EVC: variants seen among roughly 807,000 people sequenced by gnomAD.
EVC encodes evC complex member EVC.
Under a neutral mutation model 118.9 loss-of-function variants are expected in EVC, and 116 were observed. The ratio of observed to expected loss-of-function variants is 0.98; its 90% CI spans 0.84 to 1.14. The LOEUF (loss-of-function observed/expected upper bound fraction) is 1.14. Ranked by LOEUF, EVC falls within the 50% of genes most tolerant of loss-of-function variation. The pLI, the probability that EVC is intolerant of heterozygous loss-of-function variation, is 0.00. For synonymous variants in EVC, 619 were observed against 534.7 expected, an observed-to-expected ratio of 1.16 and a Z score of -2.18; for missense variants, 1,401 against 1,246.4, an observed-to-expected ratio of 1.12 and a Z score of -1.87.
In EVC at chr4:5,737,781, G is replaced by C. The variant is rs1242666466; in HGVS notation, c.703-3935G>C. Among the ~76,000 whole-genome samples the C allele has an allele frequency of 3.3e-5, 5 of 152,140 alleles. No individual in the cohort carries two copies. Among genetic ancestry groups the C allele is most frequent in the Non-Finnish European group, 7.3e-5 (5 of 68,036 alleles). On this transcript the variant is annotated intron_variant, in intron 5 of 20. Transcript: ENST00000264956. This position sits in a 1 kb window ranked among gnomAD's most constrained non-coding sequence, Gnocchi z 5.0. ...TCATTTTCAAAACCCCTGGTCACCC[G>C]AGAGCTCTGATGAAGATGTACAAGG...
chr4:5,738,627 G>A lies in EVC; in HGVS notation c.703-3089G>A, dbSNP rs368332139. On this transcript the variant is annotated intron_variant, in intron 5 of 20. Coordinates refer to ENST00000264956, the MANE Select transcript of EVC (RefSeq NM_153717.3). The surrounding 1 kb of genome is among the most constrained non-coding windows in gnomAD (Gnocchi z 6.5). ...ACAACTTTTTTTTTTTTTTTAAGAC[G>A]GAGATCTCAACTCACTGCAAACTTT... Among the ~76,000 whole-genome samples, 682 of 150,288 alleles carry A rather than the reference G, an allele frequency of 4.5e-3. 6 individuals carry two copies. The highest frequency in any genetic ancestry group is 0.016 in the African/African-American group (637 of 40,880).
rs183927960 is a variant in EVC at position 5,792,559 on chromosome 4, C to T, written c.1777-1049C>T. Among the ~76,000 whole-genome samples, 49 of 152,284 alleles carry T rather than the reference C, an allele frequency of 3.2e-4. No homozygotes were observed. The Middle Eastern group carries it at 0.01, about 32-fold the overall frequency. On this transcript the variant is annotated intron_variant, in intron 12 of 20. Transcript: ENST00000264956. The stretch of plus-strand genomic sequence containing the variant: ...ACAGAAAATAACAGACCGATCAGAC[C>T]GTAAGTCAGGCCGTGAAAAGATCTG...
the EVC span, chr4:5,821,599 A>T: frequency 2.9e-6 from 2 of 687,932 alleles, no homozygotes; most frequent in Non-Finnish European, 4.9e-6. The surrounding 1 kb of genome is among the most constrained non-coding windows in gnomAD (Gnocchi z 4.4). Context: ...ACACCACACT[A>T]GTACCACTTC....
intron 16 of EVC, among the ~76,000 whole-genome samples, chr4:5,802,683 G>A (rs950081361): frequency 2.0e-5 from 3 of 152,202 alleles, no homozygotes; most frequent in African/African-American, 4.8e-5. Flanking sequence ...TCCCTCGCAT[G>A]TGCAGTTTGA....
rs746341526 is a variant in EVC at position 5,810,355 on chromosome 4, T to C, written c.2799T>C (p.Thr933=). Residue 933 remains threonine (T), a synonymous_variant, in exon 20 of 21, where the codon ACT becomes ACC. Transcript: ENST00000264956. The part of the protein sequence containing the change: ...KRGLLEKPLR[T]KRKKPLPQER... ...CCTCTACAGAGAAGCCCCTAAGGAC[T>C]AAAAGGAAGAAGCCCCTGCCCCAGG... is the stretch of plus-strand genomic sequence containing the variant. 7 of 1,613,700 alleles carry C rather than the reference T, an allele frequency of 4.3e-6. No individual in the cohort carries two copies. In the South Asian group the frequency reaches 7.7e-5, roughly 18 times the overall value.
chr4:5,806,080 ACT>A (rs1400016837), intron 17 of EVC, among the ~76,000 whole-genome samples: 1 of 136,314 alleles, frequency 7.3e-6, no homozygotes, highest in African/African-American at 2.8e-5. Flanking sequence ...CCATCCTTCC[ACT>A]CTCTTTTTTT....
intron 11 of EVC, among the ~76,000 whole-genome samples, chr4:5,772,654 A>ATG (rs1734159376): frequency 1.3e-5 from 2 of 152,042 alleles, no homozygotes; most frequent in South Asian, 4.2e-4. Flanking sequence ...GGCCTGACCT[A>ATG]TGACGCTTCC....
intron 8 of EVC, among the ~76,000 whole-genome samples, chr4:5,750,967 A>C (rs1320403043): frequency 6.6e-6 from 1 of 152,172 alleles, no homozygotes; most frequent in Non-Finnish European, 1.5e-5. Context: ...TTGGAGCTGA[A>C]ATGTGCATCT....
chr4:5,793,597 C>A lies in EVC; in HGVS notation c.1777-11C>A, dbSNP rs760815837. ...CCACATGCCTGCTCTGTCCCTCTGTCCCGAGTTCAGGTGTGGATGGAGGAG... is the reference window on the plus strand; with the variant it reads ...CCACATGCCTGCTCTGTCCCTCTGTACCGAGTTCAGGTGTGGATGGAGGAG... On this transcript the variant is annotated splice_polypyrimidine_tract_variant and intron_variant, in intron 12 of 20. Transcript: ENST00000264956. 3.9e-6 allele frequency: 6 copies of A among 1,550,502 alleles called. No individual in the cohort carries two copies. In the South Asian group the frequency reaches 7.1e-5, roughly 18 times the overall value.
intron 11 of EVC, among the ~76,000 whole-genome samples, chr4:5,778,185 T>A (rs28585418): frequency 3.3e-5 from 5 of 150,740 alleles, no homozygotes; most frequent in African/African-American, 9.8e-5. Flanking sequence ...TTTTTATGGC[T>A]GCATAGTATT....
chr4:5,731,179 G>A lies in EVC; in HGVS notation c.385-246G>A, dbSNP rs1726750784. On this transcript the variant is annotated intron_variant, in intron 3 of 20. Transcript: ENST00000264956. The surrounding 1 kb of genome is among the most constrained non-coding windows in gnomAD (Gnocchi z 5.6). ...GCACAGATCCAGGTTGGCAGTTTAGGGGAAGGAACCTGGTGCAGAGGGGCT... is the reference window on the plus strand; with the variant it reads ...GCACAGATCCAGGTTGGCAGTTTAGAGGAAGGAACCTGGTGCAGAGGGGCT... 6.6e-6 allele frequency among the ~76,000 whole-genome samples: 1 copy of A among 151,964 alleles called. No homozygotes were observed. Among genetic ancestry groups the A allele is most frequent in the Admixed American group, 6.6e-5 (1 of 15,252 alleles).
chr4:5,753,140 C>A, intron 9 of EVC, 88 bp downstream of exon 9: 1 of 1,275,764 alleles, frequency 7.8e-7, no homozygotes, highest in Non-Finnish European at 1.1e-6. Flanking sequence ...CAGCCTGGGG[C>A]AGTGTGCCCA....
chr4:5,821,747 C>G, the EVC span: 1 of 1,599,690 alleles, frequency 6.3e-7, no homozygotes, highest in South Asian at 1.1e-5. The surrounding 1 kb of genome is among the most constrained non-coding windows in gnomAD (Gnocchi z 4.4). Context: ...CTAGCTCCTC[C>G]GCGCATCCAC....
intron 11 of EVC, among the ~76,000 whole-genome samples, chr4:5,760,220 C>T (rs951287765): frequency 3.3e-5 from 5 of 152,060 alleles, no homozygotes; most frequent in South Asian, 2.1e-4. Flanking sequence ...TTTCACAATA[C>T]GGAAGTTCCT....
intron 15 of EVC, 87 bp from the exon 16 acceptor site, chr4:5,801,863 G>A: frequency 6.8e-7 from 1 of 1,470,072 alleles, no homozygotes; most frequent in Non-Finnish European, 9.4e-7. Flanking sequence ...TCTGAACCAG[G>A]GCATGGGGAG....
intron 2 of EVC, among the ~76,000 whole-genome samples, chr4:5,723,295 T>C (rs955003170): frequency 6.6e-6 from 1 of 151,892 alleles, no homozygotes; most frequent in African/African-American, 2.4e-5. Flanking sequence ...ATTCAGGTGA[T>C]TCTCCTGCCT....
intron 11 of EVC, among the ~76,000 whole-genome samples, chr4:5,771,951 G>A (rs183173581): frequency 1.7e-3 from 261 of 152,034 alleles, no homozygotes; most frequent in African/African-American, 6.1e-3. Flanking sequence ...AGGCTGGAGT[G>A]CAGTGACATG....
At chr4:5,824,909 GA>G in the EVC span, 1 of 985,386 alleles carries the variant, frequency 1.0e-6, no homozygotes, top group Non-Finnish European at 1.2e-6. Context: ...AGTCAGGAGG[GA>G]TCAGGTCAAC....
rs967203858 is a variant in EVC, at chr4:5,743,710, A to G, written c.802-1494A>G. The stretch of plus-strand genomic sequence containing the variant: ...AAGGAGGAAGGACATCATCATCTTC[A>G]CTGTCATCCTCAGTATCACCACCAT... On this transcript the variant is annotated intron_variant, in intron 6 of 20. Transcript: ENST00000264956. This position sits in a 1 kb window ranked among gnomAD's most constrained non-coding sequence, Gnocchi z 4.7. Among the ~76,000 whole-genome samples the G allele has an allele frequency of 6.6e-6, 1 of 152,142 alleles. No individual in the cohort carries two copies. The highest frequency in any genetic ancestry group is 2.1e-4 in the South Asian group (1 of 4,826).
Sources: gnomAD v4.1 joint callset for allele counts (sites outside exome capture counted in the v4.1 genomes callset) on GRCh38, gnomAD v4.1.1 for gene constraint, Gnocchi (gnomAD v3.1) non-coding constraint, MANE v1.5 for transcripts, NCBI Gene and HGNC (gene_info 2026-07-23, HGNC 2026-07-21) for gene names.